The following NSG1 variants were observed in gnomAD, a reference collection of about 807,000 sequenced individuals.
NSG1 encodes neuronal vesicle trafficking-associated protein 1.
In NSG1, 9 loss-of-function variants were observed where a neutral mutation model predicts 19.3. The observed-to-expected ratio is 0.47, with a 90% CI of 0.28 to 0.81. The LOEUF is 0.81. Among genes scored for constraint, NSG1 ranks in the 40% least tolerant of loss-of-function variants. The probability of loss-of-function intolerance (pLI) is 0.11; values close to 1 mark genes in which losing one functional copy is unlikely to be tolerated. For synonymous variants in NSG1, 104 were observed against 107.0 expected (o/e 0.97, Z 0.17); for missense variants, 236 against 242.4 (o/e 0.97, Z 0.18).
intron 4 of NSG1, among the ~76,000 whole-genome samples, chr4:4,415,331 AGGGAATGAGGCCCAGAGAAGTTG>A (rs1213998649): frequency 2.0e-5 from 3 of 152,148 alleles, no homozygotes; most frequent in Non-Finnish European, 4.4e-5. Context: ...TTCACAGGTG[AGGGAATGAGGCCCAGAGAAGTTG>A]GGGAACCTCC....
chr4:4,402,501 C>T (rs965454232), intron 3 of NSG1, among the ~76,000 whole-genome samples: 1 of 150,842 alleles, frequency 6.6e-6, no homozygotes, highest in Non-Finnish European at 1.5e-5. Flanking sequence ...CATTCTCCTG[C>T]CTCAGCCTCC....
chr4:4,406,514 C>G (rs1723864185), intron 3 of NSG1, among the ~76,000 whole-genome samples: 1 of 152,144 alleles, frequency 6.6e-6, no homozygotes, highest in South Asian at 2.1e-4. Context: ...AGGCAGGTAG[C>G]TGGAGCCCGG....
At chr4:4,398,750 A>G (rs141811276) in intron 3 of NSG1, among the ~76,000 whole-genome samples, 39 of 152,314 alleles carry the variant, frequency 2.6e-4, no homozygotes, top group Non-Finnish European at 4.4e-4. Flanking sequence ...TGCTGTGAAC[A>G]TTCATTTACA....
At chr4:4,392,478 G>A (rs1381862398) in intron 3 of NSG1, among the ~76,000 whole-genome samples, 3 of 152,132 alleles carry the variant, frequency 2.0e-5, no homozygotes, top group African/African-American at 7.2e-5. Flanking sequence ...GGGGCACAGG[G>A]ACTCCCACCC....
At chr4:4,408,696 G>C (rs11723020) in intron 3 of NSG1, among the ~76,000 whole-genome samples, 35,585 of 152,188 alleles carry the variant, frequency 0.23, 5,819 homozygotes, top group African/African-American at 0.47. Flanking sequence ...CTGACCTCAG[G>C]TGATCCACCC....
intron 1 of NSG1, among the ~76,000 whole-genome samples, 151 bp downstream of exon 1, chr4:4,387,324 G>A (rs558692849): frequency 6.6e-6 from 1 of 152,262 alleles, no homozygotes; most frequent in South Asian, 2.1e-4. Context: ...CCGGGGACCG[G>A]GTCTGGAGGT....
At chr4:4,409,760 C>G (rs1724070360) in intron 4 of NSG1, 77 bp downstream of exon 4, 1 of 1,152,722 alleles carries the variant, frequency 8.7e-7, no homozygotes, top group Admixed American at 1.8e-5. Context: ...CAAGGCTGCT[C>G]CTGCCGTCTC....
intron 3 of NSG1, among the ~76,000 whole-genome samples, chr4:4,396,617 G>A (rs1017279664): frequency 1.3e-5 from 2 of 152,172 alleles, no homozygotes; most frequent in African/African-American, 4.8e-5. Flanking sequence ...GCATCCTGTC[G>A]CAGAGGACTC....
At chr4:4,413,409 C>A (rs1225385018) in intron 4 of NSG1, among the ~76,000 whole-genome samples, 2 of 151,264 alleles carry the variant, frequency 1.3e-5, no homozygotes, top group Non-Finnish European at 2.9e-5. Context: ...TTCAGCAAGC[C>A]CCGTCCACGC....
chr4:4,391,496 G>C lies in NSG1; in HGVS notation c.151G>C (p.Glu51Gln), dbSNP rs189494221. ...TAAGGTGGTCGTGAAAACTAAGACC[G>C]AGTATGAACCTGACCGCAAGAAAGG... ...PDKVVVKTKT[E>Q]YEPDRKKGKA... Residue 51 changes from glutamate to glutamine, a missense_variant, in exon 3 of 5, where the codon GAG (glutamate) becomes CAG (glutamine). Glu to Gln is a conservative substitution (Grantham distance 29). Coordinates refer to ENST00000621129, the MANE Select transcript of NSG1 (RefSeq NM_014392.5). The C allele has an allele frequency of 9.9e-6, 16 of 1,611,282 alleles. No homozygotes were observed. Among genetic ancestry groups the C allele is most frequent in the Non-Finnish European group, 1.4e-5 (16 of 1,179,012 alleles).
At position 4,387,762 on chromosome 4, in the gene NSG1, A is replaced by C; in HGVS notation, c.129+4A>C. ...GCAGTTCCCGCCCCCGGATAAGGTA[A>C]GCCCCCCCACGCCCCTCCACGTTGC... On this transcript the variant is annotated splice_donor_region_variant and intron_variant, in intron 2 of 4. Coordinates refer to ENST00000621129, the MANE Select transcript of NSG1 (RefSeq NM_014392.5). The C allele has an allele frequency of 6.3e-7, 1 of 1,591,590 alleles. No individual in the cohort carries two copies. The highest frequency in any genetic ancestry group is 1.1e-5 in the South Asian group (1 of 90,538).
At chr4:4,407,909 G>C (rs954210249) in intron 3 of NSG1, among the ~76,000 whole-genome samples, 1 of 152,134 alleles carries the variant, frequency 6.6e-6, no homozygotes, top group African/African-American at 2.4e-5. Context: ...CGGCTTGCAG[G>C]GGGTGCATAG....
rs368652293 is a variant in NSG1 at position 4,387,586 on chromosome 4, C to G, written c.-26-18C>G. Reference sequence around the variant, plus strand: ...CGGGTCTTGCTTGTGGTGACTCCCCCCGGCCCTCCCGCCGCAGGCTGCAGC... The same window carrying G: ...CGGGTCTTGCTTGTGGTGACTCCCCGCGGCCCTCCCGCCGCAGGCTGCAGC... On this transcript the variant is annotated intron_variant, in intron 1 of 4. Coordinates refer to ENST00000621129, the MANE Select transcript of NSG1 (RefSeq NM_014392.5). 1.1e-5 allele frequency: 17 copies of G among 1,588,086 alleles called. No individual in the cohort carries two copies. The South Asian group carries it at 1.8e-4, about 17-fold the overall frequency.
At position 4,418,717 on chromosome 4, in the gene NSG1, C is replaced by A. The variant is rs533965606; in HGVS notation, c.*1282C>A. 6.6e-6 allele frequency: 1 copy of A among 152,514 alleles called. No individual in the cohort carries two copies. Among genetic ancestry groups the A allele is most frequent in the South Asian group, 2.1e-4 (1 of 4,820 alleles). 9.4% of individuals were successfully genotyped at this position (152,514 alleles called of 1,614,324 possible). Reference sequence around the variant, plus strand: ...ATGTGTTGTGAACAGGCATGGTGACCGTGGTCAGCGCCACTCTTGTTTCCT... The same window carrying A: ...ATGTGTTGTGAACAGGCATGGTGACAGTGGTCAGCGCCACTCTTGTTTCCT... On this transcript the variant is annotated 3_prime_UTR_variant, in exon 5 of 5. Transcript: ENST00000621129.
At chr4:4,406,803 C>G (rs183606839) in intron 3 of NSG1, among the ~76,000 whole-genome samples, 55 of 152,344 alleles carry the variant, frequency 3.6e-4, no homozygotes, top group Non-Finnish European at 5.9e-5. Context: ...GGTCTGTGCT[C>G]CGGCCCCTGT....
intron 3 of NSG1, among the ~76,000 whole-genome samples, chr4:4,392,163 C>T (rs1471216204): frequency 2.0e-5 from 3 of 151,322 alleles, no homozygotes; most frequent in Non-Finnish European, 2.9e-5. Flanking sequence ...TCCATCCTTC[C>T]CCCCATCCCA....
chr4:4,399,394 T>TGG (rs1027599535), intron 3 of NSG1, among the ~76,000 whole-genome samples: 4 of 152,144 alleles, frequency 2.6e-5, no homozygotes, highest in African/African-American at 9.7e-5. Context: ...CCTCCTGCCT[T>TGG]GGGCTCCCAA....
chr4:4,400,529 T>A (rs1420216192), intron 3 of NSG1, among the ~76,000 whole-genome samples: 1 of 152,222 alleles, frequency 6.6e-6, no homozygotes, highest in Non-Finnish European at 1.5e-5. Flanking sequence ...AATCTGTAGA[T>A]CAGTTTGGAA....
intron 3 of NSG1, among the ~76,000 whole-genome samples, chr4:4,399,297 C>T (rs894864539): frequency 1.3e-5 from 2 of 152,140 alleles, no homozygotes; most frequent in East Asian, 1.9e-4. Flanking sequence ...CATTCACCAC[C>T]ACACCCAGCT....
Sources: allele counts gnomAD v4.1 joint callset (sites outside exome capture counted in the v4.1 genomes callset), GRCh38; gene constraint gnomAD v4.1.1; transcripts MANE v1.5; gene names NCBI Gene and HGNC (gene_info 2026-07-23, HGNC 2026-07-21).